The following PCDHA12 variants were observed in gnomAD, a reference collection of about 807,000 sequenced individuals.
PCDHA12 encodes the protein protocadherin alpha 12, also known as protocadherin alpha-12.
In PCDHA12, 44 loss-of-function variants were observed where a neutral mutation model predicts 60.0. The ratio of observed to expected loss-of-function variants is 0.73; its 90% confidence interval spans 0.58 to 0.94. PCDHA12 has a LOEUF of 0.94. PCDHA12 is among the 40% of genes least tolerant of loss of function. The pLI is 0.00. For synonymous variants in PCDHA12, 569 were observed against 553.0 expected, an observed-to-expected ratio of 1.03 and a Z score of -0.40; for missense variants, 1,276 against 1,239.7, an observed-to-expected ratio of 1.03 and a Z score of -0.44.
At position 140,875,485 on chromosome 5, in the gene PCDHA12, G is replaced by C. The variant is rs367652529; in HGVS notation, c.13G>C (p.Gly5Arg). 6.2e-6 allele frequency: 10 copies of C among 1,611,542 alleles called. No homozygotes were observed. The highest frequency in any genetic ancestry group is 7.6e-6 in the Non-Finnish European group (9 of 1,178,576). The change falls in exon 1 of 4, where the codon GGA (glycine) becomes CGA (arginine). Residue 5 changes from glycine (G) to arginine (R), a missense_variant. By Grantham distance (125) the Gly-to-Arg change is moderately radical. Coordinates refer to ENST00000398631, the MANE Select transcript of PCDHA12 (RefSeq NM_018903.4). MVII[G>R]PRGPGSQRLL... ...CTCATTTTCTGCAATGGTGATTATC[G>C]GACCAAGAGGCCCGGGATCCCAGCG...
intron 1 of PCDHA12, among the ~76,000 whole-genome samples, chr5:140,888,291 A>G (rs539984108): frequency 9.2e-5 from 14 of 152,122 alleles, no homozygotes; most frequent in Admixed American, 5.2e-4. Flanking sequence ...TCTACCCCCT[A>G]CCCAGGAGAT....
chr5:140,883,393 C>G, intron 1 of PCDHA12: 1 of 1,614,160 alleles, frequency 6.2e-7, no homozygotes, highest in South Asian at 1.1e-5. Context: ...TCAGTGTGTC[C>G]GATCGTGACT....
chr5:140,952,608 C>T (rs2153696668), intron 1 of PCDHA12, among the ~76,000 whole-genome samples: 1 of 152,282 alleles, frequency 6.6e-6, no homozygotes, highest in Non-Finnish European at 1.5e-5. Flanking sequence ...TCTAAGCTCT[C>T]CCTCATCTTC....
intron 1 of PCDHA12, chr5:140,884,171 C>A: frequency 6.2e-7 from 1 of 1,613,414 alleles, no homozygotes; most frequent in Non-Finnish European, 8.5e-7. Flanking sequence ...CAGCACGACG[C>A]GCCCTCTGGA....
chr5:140,928,687 C>G (rs782599747), intron 1 of PCDHA12: 1 of 1,614,142 alleles, frequency 6.2e-7, no homozygotes, highest in Non-Finnish European at 8.5e-7. Flanking sequence ...GCTTTCCTAC[C>G]ACATCTCCCG....
In PCDHA12 at chr5:140,877,116, C is replaced by T; in HGVS notation, c.1644C>T (p.Asn548=). 4 of 1,613,672 alleles carry T rather than the reference C, an allele frequency of 2.5e-6. No homozygotes were observed. Among genetic ancestry groups the T allele is most frequent in the Non-Finnish European group, 2.5e-6 (3 of 1,179,844 alleles). Residue 548 remains asparagine (N), a synonymous_variant, in exon 1 of 4, where the codon AAC becomes AAT. Transcript: ENST00000398631. The stretch of plus-strand genomic sequence containing the variant: ...CCGGCGTGCCGCCTCTGGGCAGCAA[C>T]GTGACGCTGCAGGTGTTCGTGCTGG... ...RDAGVPPLGS[N]VTLQVFVLDE...
At chr5:140,991,595 C>G (rs181014489) in intron 3 of PCDHA12, among the ~76,000 whole-genome samples, 1 of 152,328 alleles carries the variant, frequency 6.6e-6, no homozygotes, top group African/African-American at 2.4e-5. Flanking sequence ...TACCTGAGCC[C>G]TCACTGGCAG....
intron 1 of PCDHA12, among the ~76,000 whole-genome samples, chr5:140,919,535 ACTTTT>A (rs1310340464): frequency 1.3e-5 from 2 of 151,732 alleles, no homozygotes; most frequent in Non-Finnish European, 2.9e-5. Flanking sequence ...TTTTTCCTAT[ACTTTT>A]CATTTACTGA....
chr5:140,934,868 G>A (rs2090080725), intron 1 of PCDHA12, among the ~76,000 whole-genome samples: 1 of 152,128 alleles, frequency 6.6e-6, no homozygotes, highest in African/African-American at 2.4e-5. Flanking sequence ...CTTTGTGAGT[G>A]TGTTTGTGTA....
chr5:140,952,023 C>T (rs183831358), intron 1 of PCDHA12, among the ~76,000 whole-genome samples: 2 of 152,236 alleles, frequency 1.3e-5, no homozygotes, highest in African/African-American at 2.4e-5. Flanking sequence ...CATGCAAGTC[C>T]GAAATCCAGT....
In PCDHA12 at chr5:140,912,343, A is replaced by T. The variant is rs547543923; in HGVS notation, c.2367+34504A>T. Among the ~76,000 whole-genome samples, 324 of 143,902 alleles carry T rather than the reference A, an allele frequency of 2.3e-3. 1 individual carries two copies. The highest frequency in any genetic ancestry group is 7.8e-3 in the African/African-American group (308 of 39,358). 94.4% of individuals were successfully genotyped at this position (143,902 alleles called of 152,430 possible). A position where few individuals can be genotyped will look rare whatever the true frequency, so the allele number is the denominator to read the frequency against. On this transcript the variant is annotated intron_variant, in intron 1 of 3. Transcript: ENST00000398631. ...CTCAGTATTAACCAGTACACTAAGT[A>T]TTTTTTTTTTTTTTTGCAGCTGTTG... is the stretch of plus-strand genomic sequence containing the variant.
intron 3 of PCDHA12, among the ~76,000 whole-genome samples, chr5:141,001,477 A>T (rs2098020508): frequency 6.6e-6 from 1 of 152,176 alleles, no homozygotes; most frequent in South Asian, 2.1e-4. Flanking sequence ...AGCAGCGGGG[A>T]AGTGCTGGAA....
At chr5:140,985,832 C>T (rs760290757) in intron 3 of PCDHA12, among the ~76,000 whole-genome samples, 4 of 151,378 alleles carry the variant, frequency 2.6e-5, no homozygotes, top group African/African-American at 4.9e-5. Flanking sequence ...CTCTGCCTCC[C>T]GGGTTCATGC....
chr5:141,010,226 C>G lies in PCDHA12; in HGVS notation c.*289C>G, dbSNP rs1386050566. The G allele has an allele frequency of 1.3e-6, 2 of 1,551,706 alleles. No individual in the cohort carries two copies. Among genetic ancestry groups the G allele is most frequent in the Non-Finnish European group, 1.7e-6 (2 of 1,147,032 alleles). ...CGCCGCAAAGGAGAGGCTTCCCAGC[C>G]CCGCCAGTGAGAGGTTGGACTCTCT... On this transcript the variant is annotated 3_prime_UTR_variant, in exon 4 of 4. Coordinates refer to ENST00000398631, the MANE Select transcript of PCDHA12 (RefSeq NM_018903.4).
intron 3 of PCDHA12, among the ~76,000 whole-genome samples, chr5:140,988,486 T>C (rs2153874124): frequency 6.6e-6 from 1 of 152,286 alleles, no homozygotes; most frequent in South Asian, 2.1e-4. Context: ...TAGCATCCCC[T>C]ACCTAGGAGA....
At chr5:140,883,924 G>T (rs1554180605) in intron 1 of PCDHA12, 14 of 1,613,506 alleles carry the variant, frequency 8.7e-6, no homozygotes, top group Non-Finnish European at 1.1e-5. Context: ...TGACGCTGCA[G>T]GTGTTCGTGC....
intron 1 of PCDHA12, among the ~76,000 whole-genome samples, chr5:140,965,887 T>C (rs1357808186): frequency 6.6e-6 from 1 of 152,214 alleles, no homozygotes; most frequent in Non-Finnish European, 1.5e-5. Context: ...GAGAGCAGAA[T>C]TGAGTCTTGG....
At chr5:140,978,597 A>G (rs897045455) in intron 1 of PCDHA12, among the ~76,000 whole-genome samples, 1 of 152,234 alleles carries the variant, frequency 6.6e-6, no homozygotes, top group Non-Finnish European at 1.5e-5. Flanking sequence ...TTAATGGGGC[A>G]CTTGAGGGCA....
At chr5:140,914,097 A>G (rs191641220) in intron 1 of PCDHA12, among the ~76,000 whole-genome samples, 38 of 152,298 alleles carry the variant, frequency 2.5e-4, no homozygotes, top group Admixed American at 9.2e-4. Flanking sequence ...AATTTGTTCT[A>G]TAGTGCAGAT....
Sources: allele counts gnomAD v4.1 joint callset (sites outside exome capture counted in the v4.1 genomes callset), GRCh38; gene constraint gnomAD v4.1.1; transcripts MANE v1.5; gene names NCBI Gene and HGNC (gene_info 2026-07-23, HGNC 2026-07-21).